Variants in BTD observed in about 807,000 individuals in gnomAD.
BTD encodes the protein biotinidase.
In BTD, 13 loss-of-function variants were observed where a neutral mutation model predicts 17.7. That is an observed-to-expected ratio of 0.74 (90% CI 0.48 to 1.17). The LOEUF is 1.17. BTD is among the 50% of genes most tolerant of loss of function. BTD has a pLI of 0.00. For missense variants in BTD, 674 were observed against 650.4 expected, an observed-to-expected ratio of 1.04 and a Z score of -0.39; for synonymous variants, 240 against 245.2, an observed-to-expected ratio of 0.98 and a Z score of 0.20.
downstream of BTD, among the ~76,000 whole-genome samples, chr3:15,716,386 G>C (rs1280575101): frequency 6.6e-6 from 1 of 151,548 alleles, no homozygotes; most frequent in Non-Finnish European, 1.5e-5. Context: ...TGAACTCTAG[G>C]GTTCAAGTGA....
At chr3:15,667,142 A>G (rs2066018353) in intron 3 of BTD, 1 of 152,182 alleles carries the variant, frequency 6.6e-6, no homozygotes, top group Non-Finnish European at 1.5e-5. Context: ...CTAAAAAGTC[A>G]TTTTTTTATT....
At chr3:15,704,336 CA>C (rs1259622994) in intron 3 of BTD, among the ~76,000 whole-genome samples, 1 of 151,826 alleles carries the variant, frequency 6.6e-6, no homozygotes, top group East Asian at 1.9e-4. Context: ...ATTATTTACT[CA>C]AAGTGAGGAT....
chr3:15,643,974 ATTT>A (rs1559598611), intron 3 of BTD, among the ~76,000 whole-genome samples: 968 of 17,498 alleles, frequency 0.055, 8 homozygotes, highest in East Asian at 0.089. Context: ...TATTTAATTT[ATTT>A]ATTTATTTAT....
chr3:15,608,696 T>G (rs752545434), intron 1 of BTD, among the ~76,000 whole-genome samples: 2 of 151,358 alleles, frequency 1.3e-5, no homozygotes, highest in African/African-American at 4.9e-5. Context: ...AACCCAGGAG[T>G]TGGAGGTTGC....
downstream of BTD, among the ~76,000 whole-genome samples, chr3:15,654,808 C>T (rs989507073): frequency 6.6e-6 from 1 of 151,954 alleles, no homozygotes; most frequent in Non-Finnish European, 1.5e-5. Flanking sequence ...GATCTTGGCT[C>T]ACTGCAACCT....
At chr3:15,610,534 A>G (rs1392860967) in intron 1 of BTD, among the ~76,000 whole-genome samples, 2 of 152,218 alleles carry the variant, frequency 1.3e-5, no homozygotes, top group African/African-American at 4.8e-5. Flanking sequence ...TTCATAATAT[A>G]GTTCATTCTC....
At chr3:15,613,481 A>G (rs1388963932) in intron 1 of BTD, among the ~76,000 whole-genome samples, 4 of 151,416 alleles carry the variant, frequency 2.6e-5, no homozygotes, top group African/African-American at 9.7e-5. Flanking sequence ...CCAGCTTTCT[A>G]TTCCCCACTC....
intron 1 of BTD, among the ~76,000 whole-genome samples, chr3:15,627,112 C>A (rs2065085454): frequency 6.6e-6 from 1 of 152,230 alleles, no homozygotes; most frequent in Non-Finnish European, 1.5e-5. Context: ...AGGTTACCAT[C>A]ATTCTTGATT....
intron 3 of BTD, chr3:15,686,128 C>T (rs1222542056): frequency 1.2e-6 from 2 of 1,610,760 alleles, no homozygotes; most frequent in Non-Finnish European, 1.7e-6. Flanking sequence ...TCCTGAGCAA[C>T]AACAGGAATA....
chr3:15,677,889 T>C (rs541344117), intron 3 of BTD, among the ~76,000 whole-genome samples: 100 of 152,292 alleles, frequency 6.6e-4, no homozygotes, highest in African/African-American at 2.3e-3. Context: ...ATACTGTTAT[T>C]TTTCTCATTT....
At chr3:15,719,725 T>A (rs1361712454) in intron 4 of BTD, among the ~76,000 whole-genome samples, 2 of 149,930 alleles carry the variant, frequency 1.3e-5, no homozygotes, top group Admixed American at 6.7e-5. Context: ...AATTTTTAAT[T>A]TTTTTTTTGG....
chr3:15,655,571 G>A (rs1340682137), downstream of BTD, among the ~76,000 whole-genome samples: 2 of 152,152 alleles, frequency 1.3e-5, no homozygotes, highest in Non-Finnish European at 2.9e-5. Flanking sequence ...TGGCTTGGGA[G>A]CCCAGAGACC....
intron 3 of BTD, chr3:15,685,033 T>C (rs767028263): frequency 1.0e-5 from 6 of 595,252 alleles, no homozygotes; most frequent in African/African-American, 1.9e-5. Flanking sequence ...CTTTGACAAC[T>C]AGTGTCTTGG....
At chr3:15,716,457 A>G (rs1242057055), downstream of BTD, among the ~76,000 whole-genome samples, 2 of 151,626 alleles carry the variant, frequency 1.3e-5, no homozygotes, top group Non-Finnish European at 2.9e-5. Flanking sequence ...ACACCTGGCT[A>G]ATTTATTTTT....
intron 3 of BTD, chr3:15,679,212 C>T (rs2067267946): frequency 1.6e-6 from 2 of 1,263,204 alleles, no homozygotes; most frequent in Non-Finnish European, 1.2e-6. Context: ...TCAAGTCATC[C>T]TCCCACTTCA....
chr3:15,721,437 C>T (rs188196341), intron 4 of BTD, among the ~76,000 whole-genome samples: 77 of 152,114 alleles, frequency 5.1e-4, no homozygotes, highest in African/African-American at 1.6e-3. Flanking sequence ...TTTTTAAAGG[C>T]GTTCTAGGTA....
chr3:15,721,184 G>T, intron 4 of BTD: 2 of 1,493,820 alleles, frequency 1.3e-6, no homozygotes, highest in Non-Finnish European at 9.2e-7. Context: ...TATCAATGTT[G>T]TGAGCTATTT....
At chr3:15,623,408 T>C (rs2455824) in intron 1 of BTD, among the ~76,000 whole-genome samples, 2 of 152,254 alleles carry the variant, frequency 1.3e-5, no homozygotes, top group Middle Eastern at 6.3e-3. Context: ...AAGTGATTAT[T>C]GATATAGTTG....
At chr3:15,679,080 T>G (rs1357577987) in intron 3 of BTD, among the ~76,000 whole-genome samples, 1 of 151,750 alleles carries the variant, frequency 6.6e-6, no homozygotes, top group Non-Finnish European at 1.5e-5. Context: ...GCTCAAGTGA[T>G]CCTCCTGCCT....
Sources: allele counts gnomAD v4.1 joint callset (sites outside exome capture counted in the v4.1 genomes callset), GRCh38; gene constraint gnomAD v4.1.1; transcripts MANE v1.5; gene names NCBI Gene and HGNC (gene_info 2026-07-23, HGNC 2026-07-21).